SHROOM4: variants seen among roughly 807,000 people sequenced by gnomAD.
The protein encoded by SHROOM4 is shroom family member 4.
SHROOM4 carries 17 observed loss-of-function variants against 80.3 expected under a neutral mutation model. The ratio of observed to expected loss-of-function variants is 0.21; its 90% CI spans 0.14 to 0.32. The LOEUF (loss-of-function observed/expected upper bound fraction) is 0.32, where lower values mean the gene tolerates loss of function less well. SHROOM4 is among the 10% of genes least tolerant of loss of function. The pLI is 1.00. For synonymous variants in SHROOM4, 400 were observed against 437.5 expected (o/e 0.91, Z 1.07); for missense variants, 993 against 1,140.3 (o/e 0.87, Z 1.86).
At chrX:50,672,200 C>T (rs1932804868) in intron 2 of SHROOM4, among the ~76,000 whole-genome samples, 1 of 111,937 alleles carries the variant, frequency 8.9e-6, no homozygotes, top group Non-Finnish European at 1.9e-5. Flanking sequence ...TCATTGATTA[C>T]AGACCATCAT....
At chrX:50,583,260 C>T (rs782703110), downstream of SHROOM4, among the ~76,000 whole-genome samples, 13 of 110,192 alleles carry the variant, frequency 1.2e-4, no homozygotes, top group South Asian at 2.0e-3. Context: ...TTATTCATTT[C>T]GTCCCCACCC....
At chrX:50,651,536 C>T (rs971723063) in intron 2 of SHROOM4, among the ~76,000 whole-genome samples, 1 of 111,745 alleles carries the variant, frequency 8.9e-6, no homozygotes, top group Admixed American at 9.5e-5. Context: ...GACCCATCCT[C>T]GACCTTTTGG....
At chrX:50,784,214 A>C (rs1211438804) in intron 1 of SHROOM4, among the ~76,000 whole-genome samples, 1 of 112,401 alleles carries the variant, frequency 8.9e-6, no homozygotes, top group Non-Finnish European at 1.9e-5. Context: ...AGCTCACTGC[A>C]GCCTTAAAGT....
At chrX:50,759,990 C>G (rs1012080690) in intron 1 of SHROOM4, among the ~76,000 whole-genome samples, 10 of 111,305 alleles carry the variant, frequency 9.0e-5, no homozygotes, top group African/African-American at 3.3e-4. Flanking sequence ...ATGGGTCTAT[C>G]CTGGAGATTG....
At chrX:50,672,479 C>T (rs781820997) in intron 2 of SHROOM4, among the ~76,000 whole-genome samples, 8 of 111,381 alleles carry the variant, frequency 7.2e-5, no homozygotes, top group Non-Finnish European at 1.3e-4. Flanking sequence ...ATATAAATTA[C>T]CCAATACGAA....
intron 1 of SHROOM4, among the ~76,000 whole-genome samples, chrX:50,812,592 C>T (rs965887913): frequency 9.0e-6 from 1 of 110,914 alleles, no homozygotes; most frequent in Non-Finnish European, 1.9e-5. Flanking sequence ...TCCAGGGTTG[C>T]TAAGAGTGTG....
At chrX:50,699,913 A>G (rs1933472579) in intron 1 of SHROOM4, among the ~76,000 whole-genome samples, 1 of 112,561 alleles carries the variant, frequency 8.9e-6, no homozygotes. Flanking sequence ...TTATTAAATC[A>G]GGTTTATAAT....
chrX:50,775,650 C>CA (rs1557270054), intron 1 of SHROOM4, among the ~76,000 whole-genome samples: 2 of 112,066 alleles, frequency 1.8e-5, no homozygotes, highest in African/African-American at 6.5e-5. Flanking sequence ...GTTGAAGAAA[C>CA]AGAGTCTGGG....
chrX:50,752,889 AC>A (rs1204603809), intron 1 of SHROOM4, among the ~76,000 whole-genome samples: 2 of 111,576 alleles, frequency 1.8e-5, no homozygotes, highest in Non-Finnish European at 3.8e-5. Context: ...CACTCTCCAT[AC>A]TTTACATAGC....
chrX:50,753,446 A>T (rs1934965405), intron 1 of SHROOM4, among the ~76,000 whole-genome samples: 1 of 111,786 alleles, frequency 8.9e-6, no homozygotes, highest in Non-Finnish European at 1.9e-5. Context: ...GCCTTTCCTC[A>T]TCACTTCACA....
chrX:50,804,880 A>G (rs980626409), intron 1 of SHROOM4, among the ~76,000 whole-genome samples: 8 of 111,051 alleles, frequency 7.2e-5, no homozygotes, highest in South Asian at 3.8e-4. Flanking sequence ...TGCCTGGTCT[A>G]CTTTTGCTTG....
intron 5 of SHROOM4, among the ~76,000 whole-genome samples, chrX:50,611,759 A>C (rs1930005245): frequency 9.1e-6 from 1 of 110,407 alleles, no homozygotes; most frequent in Non-Finnish European, 1.9e-5. Flanking sequence ...GTCTCTACTA[A>C]GAATAGAAAA....
chrX:50,607,724 C>T lies in SHROOM4; in HGVS notation c.3418G>A (p.Glu1140Lys). Reference protein sequence around the residue: ...QQEEEEEEEEEEEEEEEEEEE... With the variant: ...QQEEEEEEEEKEEEEEEEEEE... ...TCCTCTTCCTCTTCCTCTTCTTCTT[C>T]TTCTTCCTCCTCCTCCTCCTCCTCC... Residue 1140 changes from glutamate to lysine, a missense_variant, in exon 6 of 9, where the codon GAA becomes AAA. Glu to Lys is a moderately conservative substitution (Grantham distance 56, BLOSUM62 1). Transcript: ENST00000376020. The T allele has an allele frequency of 8.5e-7, 1 of 1,176,762 alleles. No homozygotes were observed. The highest frequency in any genetic ancestry group is 1.1e-6 in the Non-Finnish European group (1 of 875,269).
chrX:50,719,406 GAAT>G (rs1557265244), intron 1 of SHROOM4, among the ~76,000 whole-genome samples: 1 of 111,621 alleles, frequency 9.0e-6, no homozygotes, highest in Non-Finnish European at 1.9e-5. Flanking sequence ...ATTTCTAAGA[GAAT>G]TCTGTGGATA....
chrX:50,734,078 C>T (rs1557266498), intron 1 of SHROOM4, among the ~76,000 whole-genome samples: 1 of 111,954 alleles, frequency 8.9e-6, no homozygotes, highest in Admixed American at 9.5e-5. Context: ...AAGTACAAAA[C>T]TTACACTCTG....
intron 1 of SHROOM4, among the ~76,000 whole-genome samples, chrX:50,755,154 G>C (rs1602489936): frequency 8.9e-6 from 1 of 112,482 alleles, no homozygotes. Context: ...TTAGGACTAA[G>C]CAATTGCCTC....
intron 1 of SHROOM4, among the ~76,000 whole-genome samples, chrX:50,786,830 AC>A (rs370704339): frequency 4.1e-4 from 46 of 112,033 alleles, no homozygotes; most frequent in African/African-American, 1.5e-3. Context: ...GATTTACCTG[AC>A]AGCCAAAACT....
At chrX:50,703,980 A>G (rs1418263777) in intron 1 of SHROOM4, among the ~76,000 whole-genome samples, 1 of 111,752 alleles carries the variant, frequency 8.9e-6, no homozygotes, top group Non-Finnish European at 1.9e-5. Flanking sequence ...AGAGTGGAAC[A>G]AACCGGAGGA....
At chrX:50,652,799 C>G (rs1164272623) in intron 2 of SHROOM4, among the ~76,000 whole-genome samples, 1 of 112,086 alleles carries the variant, frequency 8.9e-6, no homozygotes, top group Non-Finnish European at 1.9e-5. Flanking sequence ...AGCCAGTTTT[C>G]CCAATACCAT....
Sources: gnomAD v4.1 joint callset for allele counts (sites outside exome capture counted in the v4.1 genomes callset) on GRCh38, gnomAD v4.1.1 for gene constraint, MANE v1.5 for transcripts, NCBI Gene and HGNC (gene_info 2026-07-23, HGNC 2026-07-21) for gene names.